The following AGBL1 variants were observed in gnomAD, a reference collection of about 807,000 sequenced individuals.
The protein encoded by AGBL1 is cytosolic carboxypeptidase 4.
A neutral mutation model predicts 118.9 loss-of-function variants in AGBL1; 130 were observed. The ratio of observed to expected loss-of-function variants is 1.09; its 90% CI spans 0.95 to 1.26. The LOEUF (loss-of-function observed/expected upper bound fraction) is 1.26, where lower values mean the gene tolerates loss of function less well. Ranked by LOEUF, AGBL1 falls within the 50% of genes most tolerant of loss-of-function variation. The pLI, the probability that AGBL1 is intolerant of heterozygous loss-of-function variation, is 0.00. For synonymous variants in AGBL1, 555 were observed against 478.9 expected, an observed-to-expected ratio of 1.16 and a Z score of -2.08; for missense variants, 1,584 against 1,298.1, an observed-to-expected ratio of 1.22 and a Z score of -3.38.
chr15:86,467,622 C>T (rs758398557), intron 18 of AGBL1, among the ~76,000 whole-genome samples: 2 of 152,214 alleles, frequency 1.3e-5, no homozygotes, highest in Admixed American at 6.5e-5. Flanking sequence ...GAGGGAATCT[C>T]CTGGTCTGAG....
chr15:86,286,182 G>A (rs1243816699), intron 16 of AGBL1, among the ~76,000 whole-genome samples: 1 of 149,650 alleles, frequency 6.7e-6, no homozygotes, highest in Non-Finnish European at 1.5e-5. Flanking sequence ...ATTTTTAATT[G>A]ACAAATAATA....
intron 21 of AGBL1, among the ~76,000 whole-genome samples, chr15:86,652,893 T>C (rs1270953421): frequency 6.6e-6 from 1 of 152,118 alleles, no homozygotes; most frequent in Non-Finnish European, 1.5e-5. Context: ...CCTAACTAGG[T>C]ACGGATGCAA....
Position 87,009,775 on chromosome 15 carries a change from T to C in AGBL1, c.3324-19050T>C, listed in dbSNP as rs989207568. ...TAAGACATGGCGTCAAAGGAGATCA[T>C]TTTGGAGCTTTAAGATTTGACTGCC... On this transcript the variant is annotated intron_variant, in intron 24 of 24. Coordinates refer to the AGBL1 transcript ENST00000441037. 2.0e-5 allele frequency among the ~76,000 whole-genome samples: 3 copies of C among 152,190 alleles called. No individual in the cohort carries two copies. In the East Asian group the frequency reaches 5.8e-4, roughly 29 times the overall value.
intron 22 of AGBL1, among the ~76,000 whole-genome samples, chr15:86,822,910 A>ATGCT (rs922624314): frequency 3.3e-5 from 5 of 152,258 alleles, no homozygotes; most frequent in African/African-American, 1.2e-4. Flanking sequence ...TGGTAAGTAC[A>ATGCT]TGCTCTTACA....
At chr15:86,251,540 T>C (rs145722538) in intron 7 of AGBL1, among the ~76,000 whole-genome samples, 1 of 152,190 alleles carries the variant, frequency 6.6e-6, no homozygotes, top group African/African-American at 2.4e-5. Context: ...TGAGACTGAC[T>C]GTAAAGGAAC....
chr15:86,646,653 C>T (rs931848710), intron 21 of AGBL1, among the ~76,000 whole-genome samples: 2 of 152,022 alleles, frequency 1.3e-5, no homozygotes, highest in Non-Finnish European at 2.9e-5. Context: ...TAACTTTTTT[C>T]CCACAGAATA....
chr15:86,840,369 G>A (rs2079227935), intron 22 of AGBL1, among the ~76,000 whole-genome samples: 1 of 152,190 alleles, frequency 6.6e-6, no homozygotes, highest in South Asian at 2.1e-4. Context: ...ACACTGTGTG[G>A]AAATTGGACC....
At chr15:86,844,295 G>A (rs765099290) in intron 22 of AGBL1, among the ~76,000 whole-genome samples, 2 of 152,154 alleles carry the variant, frequency 1.3e-5, no homozygotes, top group Non-Finnish European at 2.9e-5. Flanking sequence ...ACTGCCAAAC[G>A]TCTTTAAGTG....
chr15:86,190,561 A>G (rs1453847418), intron 5 of AGBL1, among the ~76,000 whole-genome samples: 1 of 152,128 alleles, frequency 6.6e-6, no homozygotes, highest in Non-Finnish European at 1.5e-5. Context: ...CTCCCTAGGT[A>G]AATGCATCAT....
chr15:86,347,489 CT>C (rs1269356802), intron 17 of AGBL1, among the ~76,000 whole-genome samples: 2 of 152,174 alleles, frequency 1.3e-5, no homozygotes, highest in Non-Finnish European at 2.9e-5. Context: ...GAGACAAAGC[CT>C]ATTTTATGCA....
chr15:86,702,016 C>T (rs1254674035), intron 22 of AGBL1, among the ~76,000 whole-genome samples: 1 of 150,612 alleles, frequency 6.6e-6, no homozygotes, highest in African/African-American at 2.4e-5. Context: ...TCTACCCCAA[C>T]CCTTCTCTCC....
At chr15:86,862,065 C>A (rs565661866) in intron 22 of AGBL1, among the ~76,000 whole-genome samples, 1 of 152,246 alleles carries the variant, frequency 6.6e-6, no homozygotes, top group Non-Finnish European at 1.5e-5. Context: ...AGCTACCAAC[C>A]TCTATAGCAT....
intron 18 of AGBL1, among the ~76,000 whole-genome samples, chr15:86,478,763 C>T (rs1388312471): frequency 2.0e-5 from 3 of 152,154 alleles, no homozygotes; most frequent in Non-Finnish European, 4.4e-5. Context: ...AAAAAAGAAC[C>T]CACATTGCCA....
At chr15:86,781,901 T>C (rs529075463) in intron 22 of AGBL1, among the ~76,000 whole-genome samples, 2 of 152,228 alleles carry the variant, frequency 1.3e-5, no homozygotes, top group African/African-American at 4.8e-5. Flanking sequence ...TTTTTTTAAT[T>C]GGCCTTGTTA....
intron 21 of AGBL1, among the ~76,000 whole-genome samples, chr15:86,643,986 T>G (rs1285434420): frequency 6.6e-6 from 1 of 152,186 alleles, no homozygotes; most frequent in Non-Finnish European, 1.5e-5. Context: ...CTAATTTGGG[T>G]GACTTATTGC....
At chr15:86,926,486 C>A (rs1409841035) in intron 23 of AGBL1, among the ~76,000 whole-genome samples, 1 of 152,066 alleles carries the variant, frequency 6.6e-6, no homozygotes, top group Non-Finnish European at 1.5e-5. Flanking sequence ...TGTTTGTGTT[C>A]AATGATATCA....
At chr15:86,903,068 A>G (rs1231925741) in intron 22 of AGBL1, among the ~76,000 whole-genome samples, 1 of 152,018 alleles carries the variant, frequency 6.6e-6, no homozygotes, top group Non-Finnish European at 1.5e-5. Flanking sequence ...CAGGATCTTA[A>G]TGTTCTCTTT....
chr15:87,001,802 C>T (rs538758377), intron 24 of AGBL1, among the ~76,000 whole-genome samples: 1 of 152,064 alleles, frequency 6.6e-6, no homozygotes, highest in East Asian at 1.9e-4. Flanking sequence ...CTGTTCATAT[C>T]CTTGGCCCAC....
intron 18 of AGBL1, among the ~76,000 whole-genome samples, chr15:86,449,347 A>C (rs756104135): frequency 2.6e-5 from 4 of 152,234 alleles, no homozygotes; most frequent in Non-Finnish European, 5.9e-5. Context: ...ATGTAATTAC[A>C]GAAAAATCCA....
Sources: allele counts gnomAD v4.1 joint callset (sites outside exome capture counted in the v4.1 genomes callset), GRCh38; gene constraint gnomAD v4.1.1; transcripts MANE v1.5; gene names NCBI Gene and HGNC (gene_info 2026-07-23, HGNC 2026-07-21).